SLC5A9: variants seen among roughly 807,000 people sequenced by gnomAD.
The protein encoded by SLC5A9 is sodium/glucose cotransporter 4.
Under a neutral mutation model 70.9 loss-of-function variants are expected in SLC5A9, and 59 were observed. The observed-to-expected ratio is 0.83, with a 90% CI of 0.68 to 1.03. The LOEUF is 1.03. Among genes scored for constraint, SLC5A9 ranks in the 50% least tolerant of loss-of-function variants. SLC5A9 has a pLI of 0.00. For missense variants in SLC5A9, 832 were observed against 881.1 expected (o/e 0.94, Z 0.71); for synonymous variants, 340 against 346.5 (o/e 0.98, Z 0.21).
At chr1:48,246,695 C>G (rs1422871233) in intron 13 of SLC5A9, among the ~76,000 whole-genome samples, 1 of 152,192 alleles carries the variant, frequency 6.6e-6, no homozygotes, top group Non-Finnish European at 1.5e-5. Context: ...ACCTCTCCCA[C>G]TGCTCCAGTA....
intron 10 of SLC5A9, 49 bp downstream of exon 10, chr1:48,235,928 C>T (rs768502219): frequency 6.2e-7 from 1 of 1,610,538 alleles, no homozygotes. Flanking sequence ...CTCCCCTCTG[C>T]CCTGCCCTGG....
intron 12 of SLC5A9, among the ~76,000 whole-genome samples, chr1:48,241,423 G>A (rs1644389140): frequency 6.6e-6 from 1 of 152,188 alleles, no homozygotes; most frequent in Non-Finnish European, 1.5e-5. Flanking sequence ...CTTGGGCCCA[G>A]CACAGTGGAA....
chr1:48,223,996 T>G (rs1308711782), intron 1 of SLC5A9, among the ~76,000 whole-genome samples: 1 of 152,206 alleles, frequency 6.6e-6, no homozygotes, highest in Non-Finnish European at 1.5e-5. Flanking sequence ...CCCACACATA[T>G]TTATCACTCC....
At chr1:48,229,695 G>C (rs1644220693) in intron 4 of SLC5A9, 1 of 558,170 alleles carries the variant, frequency 1.8e-6, no homozygotes, top group Non-Finnish European at 3.0e-6. Context: ...TCACAATCCA[G>C]AGTTCATTCA....
Position 48,233,138 on chromosome 1 carries a change from G to A in SLC5A9, c.1034-517G>A, listed in dbSNP as rs535329932. 5.5e-4 allele frequency among the ~76,000 whole-genome samples: 83 copies of A among 152,018 alleles called. 1 individual carries two copies. The South Asian group carries it at 0.015, about 28-fold the overall frequency. On this transcript the variant is annotated intron_variant, in intron 8 of 13. Coordinates refer to ENST00000438567, the MANE Select transcript of SLC5A9 (RefSeq NM_001011547.3). ...AGAACTTTGGGAGGCTGAGATGGGC[G>A]AATCATGAGGTCAGGAGTTCGAGAC...
Position 48,237,637 on chromosome 1 carries a change from C to T in SLC5A9, c.1293-42C>T, listed in dbSNP as rs140715299. On this transcript the variant is annotated intron_variant, in intron 10 of 13. Transcript: ENST00000438567. ...CACCTTCACCCCACACCACACCATG[C>T]CCACCCGAGTGTGCCTCAGTGCCCT... is the stretch of plus-strand genomic sequence containing the variant. The T allele has an allele frequency of 1.1e-4, 181 of 1,599,378 alleles. No individual in the cohort carries two copies. In the East Asian group the frequency reaches 3.7e-3, roughly 32 times the overall value.
At chr1:48,227,416 G>T (rs1389422088) in intron 2 of SLC5A9, among the ~76,000 whole-genome samples, 1 of 134,650 alleles carries the variant, frequency 7.4e-6, no homozygotes, top group Non-Finnish European at 1.6e-5. Flanking sequence ...GTGGGCGTGA[G>T]TGCATGTGTG....
chr1:48,237,621 C>A, intron 10 of SLC5A9, 58 bp from the exon 11 acceptor site: 1 of 1,570,624 alleles, frequency 6.4e-7, no homozygotes. Flanking sequence ...TCACCTTCAC[C>A]CCACACCACA....
chr1:48,237,173 A>G lies in SLC5A9; in HGVS notation c.1293-506A>G, dbSNP rs1246824297. Among the ~76,000 whole-genome samples, 3 of 151,954 alleles carry G rather than the reference A, an allele frequency of 2.0e-5. No individual in the cohort carries two copies. In the East Asian group the frequency reaches 5.8e-4, roughly 29 times the overall value. On this transcript the variant is annotated intron_variant, in intron 10 of 13. Coordinates refer to ENST00000438567, the MANE Select transcript of SLC5A9 (RefSeq NM_001011547.3). ...TAGGTCTGAGCCACAGTTTGTTGAG[A>G]AGGAGTCAGGTGAATAAGTGGGATT...
chr1:48,236,290 T>G (rs1395951137), intron 10 of SLC5A9, among the ~76,000 whole-genome samples: 1 of 152,178 alleles, frequency 6.6e-6, no homozygotes, highest in Admixed American at 6.5e-5. Context: ...GAACATCTAC[T>G]GTGCATCACA....
Position 48,235,883 on chromosome 1 carries a change from C to T in SLC5A9, c.1292+4C>T, listed in dbSNP as rs531990401. The T allele has an allele frequency of 6.8e-6, 11 of 1,614,120 alleles. No homozygotes were observed. The East Asian group carries it at 1.1e-4, about 16-fold the overall frequency. On this transcript the variant is annotated splice_donor_region_variant and intron_variant, in intron 10 of 13. Coordinates refer to ENST00000438567, the MANE Select transcript of SLC5A9 (RefSeq NM_001011547.3). Reference sequence around the variant, plus strand: ...AGGAGCTGATGGTGGTGGGCAGGTGCGCCGGCCCCTCCTTCCCTCCTTCCG... The same window carrying T: ...AGGAGCTGATGGTGGTGGGCAGGTGTGCCGGCCCCTCCTTCCCTCCTTCCG...
rs1311666689 is a variant in SLC5A9, at chr1:48,231,571, G to C, written c.637G>C (p.Asp213His). 1 of 1,614,190 alleles carries C rather than the reference G, an allele frequency of 6.2e-7. No individual in the cohort carries two copies. The part of the protein sequence containing the change: ...AGGLMAVIYT[D>H]ALQTVIMVGG... Reference sequence around the variant, plus strand: ...TGGCCTCATGGCCGTGATCTACACAGATGCTCTGCAGACGGTGATCATGGT... The same window carrying C: ...TGGCCTCATGGCCGTGATCTACACACATGCTCTGCAGACGGTGATCATGGT... Residue 213 changes from aspartate (D) to histidine (H), a missense_variant, in exon 6 of 14, where the codon GAT becomes CAT. Transcript: ENST00000438567.
chr1:48,232,469 A>T lies in SLC5A9; in HGVS notation c.1000A>T (p.Met334Leu). Residue 334 changes from methionine to leucine, a missense_variant, in exon 8 of 14, where the codon ATG becomes TTG. Met to Leu is a conservative substitution (Grantham distance 15). Transcript: ENST00000438567. ...LKILPMFFIV[M>L]PGMISRALFP... Reference sequence around the variant, plus strand: ...GATCCTCCCCATGTTCTTCATCGTCATGCCTGGCATGATCAGCCGGGCCCT... The same window carrying T: ...GATCCTCCCCATGTTCTTCATCGTCTTGCCTGGCATGATCAGCCGGGCCCT... 1 of 1,614,142 alleles carries T rather than the reference A, an allele frequency of 6.2e-7. No homozygotes were observed. Among genetic ancestry groups the T allele is most frequent in the Non-Finnish European group, 8.5e-7 (1 of 1,180,028 alleles).
At chr1:48,236,127 C>G (rs908991934) in intron 10 of SLC5A9, among the ~76,000 whole-genome samples, 1 of 152,144 alleles carries the variant, frequency 6.6e-6, no homozygotes, top group East Asian at 1.9e-4. Context: ...ACAGGGTTGT[C>G]GAGAGATGAA....
chr1:48,244,397 C>T (rs1275332812), intron 13 of SLC5A9, among the ~76,000 whole-genome samples: 1 of 152,116 alleles, frequency 6.6e-6, no homozygotes, highest in Non-Finnish European at 1.5e-5. Flanking sequence ...AGAAGGCTCC[C>T]ACCTTTCTTG....
intron 13 of SLC5A9, among the ~76,000 whole-genome samples, chr1:48,244,878 G>GTGTATATATATATATATATA (rs1391896495): frequency 2.0e-4 from 6 of 29,402 alleles, no homozygotes; most frequent in African/African-American, 5.0e-4. Flanking sequence ...ATGTGTATGT[G>GTGTATATATATATATATATA]TATATATATA....
chr1:48,223,269 T>C (rs1644097969), intron 1 of SLC5A9, among the ~76,000 whole-genome samples: 1 of 152,146 alleles, frequency 6.6e-6, no homozygotes, highest in Non-Finnish European at 1.5e-5. Flanking sequence ...ACCTCAGTCC[T>C]GCATTCGTTA....
At position 48,247,607 on chromosome 1, in the gene SLC5A9, C is replaced by T. The variant is rs1335208126; in HGVS notation, c.*64C>T. 2 of 1,513,900 alleles carry T rather than the reference C, an allele frequency of 1.3e-6. No homozygotes were observed. Among genetic ancestry groups the T allele is most frequent in the Non-Finnish European group, 1.8e-6 (2 of 1,089,642 alleles). 93.8% of individuals were successfully genotyped at this position (1,513,900 alleles called of 1,614,324 possible). On this transcript the variant is annotated 3_prime_UTR_variant, in exon 14 of 14. Coordinates refer to ENST00000438567, the MANE Select transcript of SLC5A9 (RefSeq NM_001011547.3). Reference sequence around the variant, plus strand: ...AGCCCAAGCCTGTCAGCCACAGAAACAGGCTCTCCTCTTACTTTGCTGTCT... The same window carrying T: ...AGCCCAAGCCTGTCAGCCACAGAAATAGGCTCTCCTCTTACTTTGCTGTCT...
At chr1:48,236,033 C>A (rs1644322336) in intron 10 of SLC5A9, among the ~76,000 whole-genome samples, 154 bp downstream of exon 10, 1 of 152,178 alleles carries the variant, frequency 6.6e-6, no homozygotes, top group African/African-American at 2.4e-5. Context: ...CAAGTAAGTC[C>A]TTCGCCAACC....
Sources: gnomAD v4.1 joint callset for allele counts (sites outside exome capture counted in the v4.1 genomes callset) on GRCh38, gnomAD v4.1.1 for gene constraint, MANE v1.5 for transcripts, NCBI Gene and HGNC (gene_info 2026-07-23, HGNC 2026-07-21) for gene names.